AMPH: variants seen among roughly 807,000 people sequenced by gnomAD.
AMPH encodes amphiphysin (Stiff-Mann syndrome with breast cancer 128kD autoantigen).
In AMPH, 49 loss-of-function variants were observed where a neutral mutation model predicts 99.1. The observed-to-expected ratio is 0.49, with a 90% confidence interval of 0.39 to 0.63. The LOEUF (loss-of-function observed/expected upper bound fraction) is 0.63, where lower values mean the gene tolerates loss of function less well. AMPH is among the 20% of genes least tolerant of loss of function. The pLI, the probability that AMPH is intolerant of heterozygous loss-of-function variation, is 0.00. For synonymous variants in AMPH, 314 were observed against 317.3 expected, an observed-to-expected ratio of 0.99 and a Z score of 0.11; for missense variants, 759 against 863.4, an observed-to-expected ratio of 0.88 and a Z score of 1.52.
At chr7:38,434,913 C>T (rs1786201633) in intron 12 of AMPH, among the ~76,000 whole-genome samples, 1 of 152,188 alleles carries the variant, frequency 6.6e-6, no homozygotes, top group Non-Finnish European at 1.5e-5. Flanking sequence ...GTTGACAATA[C>T]TTTAGCATTT....
chr7:38,421,820 A>C (rs1785589701), intron 16 of AMPH, among the ~76,000 whole-genome samples: 1 of 152,192 alleles, frequency 6.6e-6, no homozygotes. Context: ...CATCTTTACT[A>C]GTAAGCTTTA....
intron 2 of AMPH, among the ~76,000 whole-genome samples, chr7:38,511,643 C>A (rs996483217): frequency 3.4e-4 from 52 of 152,144 alleles, no homozygotes; most frequent in Admixed American, 5.2e-4. Context: ...TCAGTTTTCT[C>A]ACGTAAAACA....
At chr7:38,610,023 G>C (rs1793570302) in intron 1 of AMPH, among the ~76,000 whole-genome samples, 1 of 151,364 alleles carries the variant, frequency 6.6e-6, no homozygotes, top group Non-Finnish European at 1.5e-5. Flanking sequence ...CCTCACCTGA[G>C]GTCGGGAGTT....
intron 11 of AMPH, among the ~76,000 whole-genome samples, chr7:38,445,679 G>A (rs1051820928): frequency 6.6e-6 from 1 of 152,178 alleles, no homozygotes. Flanking sequence ...TTTGGGAAAT[G>A]CAAATTAAAT....
In AMPH at chr7:38,604,310, A is replaced by G. The variant is rs111545824; in HGVS notation, c.69+26973T>C. On this transcript the variant is annotated intron_variant, in intron 1 of 20. Coordinates refer to ENST00000356264, the MANE Select transcript of AMPH (RefSeq NM_001635.4). ...GCAGGCAGACGAATTTTGACTATCC[A>G]ATGATGGCAGGACAGATTGCAACAA... is the stretch of plus-strand genomic sequence containing the variant. Among the ~76,000 whole-genome samples, 474 of 152,384 alleles carry G rather than the reference A, an allele frequency of 3.1e-3. 2 individuals are homozygous for G. Among genetic ancestry groups the G allele is most frequent in the African/African-American group, 0.011 (458 of 41,594 alleles).
intron 1 of AMPH, among the ~76,000 whole-genome samples, chr7:38,581,098 ATAG>A (rs138102653): frequency 0.28 from 42,667 of 151,986 alleles, 6,360 homozygotes; most frequent in Non-Finnish European, 0.34. Context: ...CTGAGGAGCA[ATAG>A]AAGAACAGAC....
At chr7:38,534,055 C>T (rs1311985762) in intron 2 of AMPH, among the ~76,000 whole-genome samples, 1 of 152,150 alleles carries the variant, frequency 6.6e-6, no homozygotes. Context: ...TCATTGTCAT[C>T]TCCCCAAGGA....
At chr7:38,571,084 TTC>T (rs1239315000) in intron 1 of AMPH, among the ~76,000 whole-genome samples, 12 of 49,324 alleles carry the variant, frequency 2.4e-4, no homozygotes, top group African/African-American at 9.3e-4. Flanking sequence ...AATATATATA[TTC>T]ATATATTGAA....
intron 1 of AMPH, among the ~76,000 whole-genome samples, chr7:38,629,889 T>C (rs1322997504): frequency 1.3e-5 from 2 of 152,182 alleles, no homozygotes; most frequent in Non-Finnish European, 2.9e-5. Context: ...ATCACTTTAG[T>C]TCAGGATGAG....
chr7:38,567,187 T>C (rs918694269), intron 1 of AMPH, among the ~76,000 whole-genome samples: 2 of 152,162 alleles, frequency 1.3e-5, no homozygotes, highest in Non-Finnish European at 2.9e-5. Flanking sequence ...GGCACATATA[T>C]ACCATGGAAT....
rs987805420 is a variant in AMPH, at chr7:38,418,716, A to G, written c.1273-766T>C. On this transcript the variant is annotated intron_variant, in intron 16 of 20. Coordinates refer to ENST00000356264, the MANE Select transcript of AMPH (RefSeq NM_001635.4). Reference sequence around the variant, plus strand: ...TTTATTTCATATAATAGTTGTTTAAAGAACCACAGGGCAGTATTCTCCATG... The same window carrying G: ...TTTATTTCATATAATAGTTGTTTAAGGAACCACAGGGCAGTATTCTCCATG... Among the ~76,000 whole-genome samples the G allele has an allele frequency of 1.1e-4, 16 of 152,348 alleles. No individual in the cohort carries two copies. The South Asian group carries it at 2.7e-3, about 26-fold the overall frequency.
chr7:38,402,738 T>C (rs1166441992), intron 17 of AMPH, among the ~76,000 whole-genome samples: 28 of 152,224 alleles, frequency 1.8e-4, no homozygotes, highest in Admixed American at 1.8e-3. Context: ...TGGATGACAC[T>C]CTCAGATATT....
chr7:38,427,977 C>T (rs1405256464), intron 14 of AMPH: 1 of 456,670 alleles, frequency 2.2e-6, no homozygotes, highest in East Asian at 7.0e-5. Flanking sequence ...CCAGGAGGTC[C>T]CCAAAATCAA....
At chr7:38,553,237 C>T (rs1231432527) in intron 1 of AMPH, among the ~76,000 whole-genome samples, 1 of 152,186 alleles carries the variant, frequency 6.6e-6, no homozygotes, top group Non-Finnish European at 1.5e-5. Context: ...TCTTTGGGGG[C>T]CTCAACTCCA....
chr7:38,462,928 C>T, intron 10 of AMPH, 47 bp downstream of exon 10: 4 of 1,505,060 alleles, frequency 2.7e-6, no homozygotes, highest in Non-Finnish European at 3.6e-6. Context: ...GGGCCACCTT[C>T]ATCTCATCAT....
At chr7:38,547,895 G>A (rs1363843273) in intron 1 of AMPH, among the ~76,000 whole-genome samples, 3 of 152,070 alleles carry the variant, frequency 2.0e-5, no homozygotes, top group Non-Finnish European at 2.9e-5. Context: ...AGTCACTTAC[G>A]CCTTCACTGG....
intron 11 of AMPH, among the ~76,000 whole-genome samples, chr7:38,457,027 A>G (rs55948005): frequency 0.27 from 40,496 of 152,162 alleles, 5,766 homozygotes; most frequent in African/African-American, 0.35. Context: ...AGATCACACT[A>G]CTACATGTGG....
At chr7:38,607,219 C>T (rs1485332540) in intron 1 of AMPH, among the ~76,000 whole-genome samples, 1 of 152,108 alleles carries the variant, frequency 6.6e-6, no homozygotes, top group African/African-American at 2.4e-5. Flanking sequence ...CTAAATTCTA[C>T]CAACCGAAAA....
intron 11 of AMPH, 27 bp downstream of exon 11, chr7:38,461,256 C>G (rs765101484): frequency 3.1e-6 from 5 of 1,610,168 alleles, no homozygotes. Context: ...CTTTCATGGA[C>G]ATACCAGCCC....
Sources: allele counts gnomAD v4.1 joint callset (sites outside exome capture counted in the v4.1 genomes callset), GRCh38; gene constraint gnomAD v4.1.1; transcripts MANE v1.5; gene names NCBI Gene and HGNC (gene_info 2026-07-23, HGNC 2026-07-21).